The following KIF13B variants were observed in gnomAD, a reference collection of about 807,000 sequenced individuals.
The protein encoded by KIF13B is kinesin-like protein KIF13B.
A neutral mutation model predicts 222.0 loss-of-function variants in KIF13B; 127 were observed. The ratio of observed to expected loss-of-function variants is 0.57; its 90% CI spans 0.50 to 0.66. The LOEUF is 0.66. Among genes scored for constraint, KIF13B ranks in the 30% least tolerant of loss-of-function variants. KIF13B has a pLI of 0.00. For synonymous variants in KIF13B, 976 were observed against 919.0 expected (o/e 1.06, Z -1.12); for missense variants, 2,173 against 2,379.0 (o/e 0.91, Z 1.80).
intron 2 of KIF13B, among the ~76,000 whole-genome samples, chr8:29,237,069 GA>G (rs1293866440): frequency 6.6e-6 from 1 of 152,076 alleles, no homozygotes; most frequent in Non-Finnish European, 1.5e-5. Context: ...GAATGCATCA[GA>G]AAAAATTATA....
chr8:29,203,347 C>A (rs1813783005), intron 2 of KIF13B, among the ~76,000 whole-genome samples: 2 of 152,136 alleles, frequency 1.3e-5, no homozygotes, highest in Admixed American at 6.5e-5. Context: ...CAGGCTAACT[C>A]CTATTCATTT....
At chr8:29,141,617 G>A (rs961503585) in intron 19 of KIF13B, among the ~76,000 whole-genome samples, 1 of 152,202 alleles carries the variant, frequency 6.6e-6, no homozygotes, top group Non-Finnish European at 1.5e-5. Flanking sequence ...AAATACGTAT[G>A]AGTACATGGC....
chr8:29,107,652 C>T (rs372304755), intron 35 of KIF13B, among the ~76,000 whole-genome samples: 8 of 151,470 alleles, frequency 5.3e-5, no homozygotes, highest in African/African-American at 1.9e-4. Context: ...CTCCGCCCCC[C>T]GGGGTTCACA....
chr8:29,094,679 A>G (rs1808441725), intron 36 of KIF13B, among the ~76,000 whole-genome samples: 1 of 152,262 alleles, frequency 6.6e-6, no homozygotes, highest in South Asian at 2.1e-4. Context: ...CACGGTCAAC[A>G]AAGGAATCAA....
chr8:29,119,206 C>T (rs1809742268), intron 29 of KIF13B, among the ~76,000 whole-genome samples: 1 of 152,216 alleles, frequency 6.6e-6, no homozygotes, highest in South Asian at 2.1e-4. Context: ...CAATCTGCTA[C>T]ACTTATGCCT....
At chr8:29,204,018 A>G (rs1447904099) in intron 2 of KIF13B, among the ~76,000 whole-genome samples, 2 of 152,156 alleles carry the variant, frequency 1.3e-5, no homozygotes, top group Admixed American at 6.5e-5. Context: ...TGAAAAGAGC[A>G]GTTAGACATC....
chr8:29,136,298 G>A (rs995821458), intron 21 of KIF13B, among the ~76,000 whole-genome samples: 1 of 152,096 alleles, frequency 6.6e-6, no homozygotes, highest in African/African-American at 2.4e-5. Flanking sequence ...AAATATCTCG[G>A]CCAGGCGTGG....
At chr8:29,213,976 A>G (rs1814359172) in intron 2 of KIF13B, among the ~76,000 whole-genome samples, 1 of 152,148 alleles carries the variant, frequency 6.6e-6, no homozygotes, top group Non-Finnish European at 1.5e-5. Flanking sequence ...AAAATAAAAT[A>G]AAATACAAAA....
intron 12 of KIF13B, among the ~76,000 whole-genome samples, chr8:29,161,918 G>A (rs1007986803): frequency 1.3e-5 from 2 of 152,068 alleles, no homozygotes; most frequent in African/African-American, 4.8e-5. Flanking sequence ...GCACAGTGAA[G>A]GACACATGGT....
chr8:29,100,886 A>C (rs1165463693), intron 35 of KIF13B, among the ~76,000 whole-genome samples: 1 of 152,082 alleles, frequency 6.6e-6, no homozygotes, highest in Admixed American at 6.5e-5. Context: ...GCAGCGACCT[A>C]AGTACTAATC....
chr8:29,087,701 A>T (rs752111272), intron 37 of KIF13B, among the ~76,000 whole-genome samples: 53 of 152,136 alleles, frequency 3.5e-4, no homozygotes, highest in Non-Finnish European at 7.2e-4. Context: ...CCCAGGGGGA[A>T]CTCTTCTCAT....
At chr8:29,082,953 C>T (rs757467558) in intron 37 of KIF13B, among the ~76,000 whole-genome samples, 4 of 152,144 alleles carry the variant, frequency 2.6e-5, no homozygotes, top group African/African-American at 7.2e-5. Context: ...AGGGAGACCC[C>T]GTCTCTACAA....
chr8:29,257,879 G>T (rs1586997619), intron 1 of KIF13B, among the ~76,000 whole-genome samples: 2 of 152,218 alleles, frequency 1.3e-5, no homozygotes, highest in Non-Finnish European at 2.9e-5. Flanking sequence ...TTGGGGAAAA[G>T]AATTTAAAAG....
chr8:29,169,156 T>C (rs1812132398), intron 10 of KIF13B, among the ~76,000 whole-genome samples: 1 of 152,250 alleles, frequency 6.6e-6, no homozygotes, highest in Non-Finnish European at 1.5e-5. Context: ...GAAAATGAGT[T>C]GGTACAATCT....
chr8:29,126,473 C>T lies in KIF13B; in HGVS notation c.3252+9G>A, dbSNP rs1260872493. 1.1e-5 allele frequency: 16 copies of T among 1,523,292 alleles called. No homozygotes were observed. Among genetic ancestry groups the T allele is most frequent in the Non-Finnish European group, 1.4e-5 (16 of 1,106,968 alleles). 94.4% of individuals were successfully genotyped at this position (1,523,292 alleles called of 1,614,324 possible). ...TTATTTGAGATGAGATTAACAGGTG[C>T]TAAATTACCTGGTAGCTGTCCATGT... On this transcript the variant is annotated intron_variant, in intron 26 of 39. Transcript: ENST00000524189.
At chr8:29,162,561 C>A (rs1355969041) in intron 12 of KIF13B, among the ~76,000 whole-genome samples, 1 of 152,170 alleles carries the variant, frequency 6.6e-6, no homozygotes, top group Non-Finnish European at 1.5e-5. Context: ...ACTAACTATA[C>A]CTTTCTCTAA....
chr8:29,207,422 C>T (rs926963887), intron 2 of KIF13B, among the ~76,000 whole-genome samples: 6 of 152,118 alleles, frequency 3.9e-5, no homozygotes, highest in Non-Finnish European at 7.4e-5. Context: ...TCTGTGACTG[C>T]GAGCTCCCTG....
At chr8:29,263,350 T>C (rs376437183), upstream of KIF13B, among the ~76,000 whole-genome samples, 46 of 152,366 alleles carry the variant, frequency 3.0e-4, no homozygotes, top group East Asian at 7.3e-3. Context: ...TATTGAGAAG[T>C]AAGCCTTCAA....
At chr8:29,252,983 A>G (rs1243530738) in intron 1 of KIF13B, among the ~76,000 whole-genome samples, 2 of 152,238 alleles carry the variant, frequency 1.3e-5, no homozygotes, top group Non-Finnish European at 2.9e-5. Flanking sequence ...TATTAAATAA[A>G]TAAAAGATTA....
Sources: gnomAD v4.1 joint callset for allele counts (sites outside exome capture counted in the v4.1 genomes callset) on GRCh38, gnomAD v4.1.1 for gene constraint, MANE v1.5 for transcripts, NCBI Gene and HGNC (gene_info 2026-07-23, HGNC 2026-07-21) for gene names.